JARID2: variants seen among roughly 807,000 people sequenced by gnomAD.
The protein encoded by JARID2 is jumonji and AT-rich interaction domain containing 2, also known as protein Jumonji.
JARID2 carries 21 observed loss-of-function variants against 125.6 expected under a neutral mutation model. That is an observed-to-expected ratio of 0.17 (90% CI 0.12 to 0.24). The LOEUF (loss-of-function observed/expected upper bound fraction) is 0.24. Ranked by LOEUF, JARID2 falls within the 10% of genes least tolerant of loss-of-function variation. The pLI, the probability that JARID2 is intolerant of heterozygous loss-of-function variation, is 1.00. For missense variants in JARID2, 1,303 were observed against 1,639.6 expected (o/e 0.79, Z 3.55); for synonymous variants, 736 against 661.6 (o/e 1.11, Z -1.73).
chr6:15,353,750 C>T (rs1470205576), intron 1 of JARID2, among the ~76,000 whole-genome samples: 1 of 152,068 alleles, frequency 6.6e-6, no homozygotes, highest in Non-Finnish European at 1.5e-5. Context: ...AAAAAAAATT[C>T]TTTTCAATCA....
chr6:15,319,537 A>C (rs1001557174), intron 1 of JARID2, among the ~76,000 whole-genome samples: 5 of 152,134 alleles, frequency 3.3e-5, no homozygotes, highest in African/African-American at 4.8e-5. Context: ...AGCTGGGAGC[A>C]CAAGTGTGCG....
intron 3 of JARID2, 85 bp downstream of exon 3, chr6:15,410,450 G>T: frequency 2.2e-6 from 3 of 1,345,448 alleles, no homozygotes; most frequent in Non-Finnish European, 3.1e-6. Context: ...GATAACGTGA[G>T]CCCATTCACC....
intron 1 of JARID2, among the ~76,000 whole-genome samples, chr6:15,278,457 A>G (rs1254839675): frequency 1.3e-5 from 2 of 151,896 alleles, no homozygotes; most frequent in East Asian, 3.9e-4. Flanking sequence ...GTGATGGCTC[A>G]TGCCTGTAAT....
chr6:15,293,922 C>T (rs1251611440), intron 1 of JARID2, among the ~76,000 whole-genome samples: 1 of 152,226 alleles, frequency 6.6e-6, no homozygotes, highest in East Asian at 1.9e-4. Flanking sequence ...TCACAGGGCA[C>T]CAATGCCTGC....
In JARID2 at chr6:15,281,498, T is replaced by A. The variant is rs189880842; in HGVS notation, c.45+34914T>A. On this transcript the variant is annotated intron_variant, in intron 1 of 17. Transcript: ENST00000341776. Reference sequence around the variant, plus strand: ...CCTCAAAAGTAAGCCATCAGTGGTTTGCACATCCTTCTAGCCTTTCTGTGT... The same window carrying A: ...CCTCAAAAGTAAGCCATCAGTGGTTAGCACATCCTTCTAGCCTTTCTGTGT... Among the ~76,000 whole-genome samples, 393 of 152,370 alleles carry A rather than the reference T, an allele frequency of 2.6e-3. 2 individuals are homozygous for A. The highest frequency in any genetic ancestry group is 4.4e-3 in the Non-Finnish European group (299 of 68,032).
At chr6:15,464,360 C>T (rs771602279) in intron 4 of JARID2, among the ~76,000 whole-genome samples, 16 of 152,138 alleles carry the variant, frequency 1.1e-4, no homozygotes, top group African/African-American at 1.9e-4. Context: ...TCTTTTGTAC[C>T]TACTTCTGTT....
chr6:15,268,727 T>G (rs185839885), intron 1 of JARID2, among the ~76,000 whole-genome samples: 1 of 152,326 alleles, frequency 6.6e-6, no homozygotes, highest in East Asian at 1.9e-4. Context: ...CAGTTGGAAA[T>G]TTTTAACATG....
At chr6:15,401,348 T>C (rs1765426373) in intron 2 of JARID2, among the ~76,000 whole-genome samples, 2 of 152,220 alleles carry the variant, frequency 1.3e-5, no homozygotes, top group African/African-American at 2.4e-5. Context: ...AAAGCTGCAG[T>C]TTCAATCAGG....
intron 1 of JARID2, among the ~76,000 whole-genome samples, chr6:15,285,935 T>G (rs1044561007): frequency 2.0e-5 from 3 of 152,240 alleles, no homozygotes; most frequent in African/African-American, 7.2e-5. Flanking sequence ...TGACAGTGGT[T>G]GACTCAACAA....
chr6:15,514,315 C>T (rs115672823), intron 16 of JARID2, among the ~76,000 whole-genome samples: 24 of 152,240 alleles, frequency 1.6e-4, no homozygotes, highest in Non-Finnish European at 1.3e-4. Context: ...AGAGCATGCC[C>T]GAAGGGCCTG....
intron 5 of JARID2, among the ~76,000 whole-genome samples, chr6:15,477,627 A>G (rs943475619): frequency 1.3e-4 from 20 of 151,038 alleles, no homozygotes; most frequent in African/African-American, 4.6e-4. Flanking sequence ...GTTGGGTAGG[A>G]TGGTTCAGAG....
At chr6:15,256,961 A>G (rs1293448410) in intron 1 of JARID2, among the ~76,000 whole-genome samples, 2 of 152,326 alleles carry the variant, frequency 1.3e-5, no homozygotes, top group South Asian at 2.1e-4. Flanking sequence ...AATCTAGTGC[A>G]AAAAGATAGA....
chr6:15,348,455 G>T (rs1763318101), intron 1 of JARID2, among the ~76,000 whole-genome samples: 1 of 152,106 alleles, frequency 6.6e-6, no homozygotes, highest in African/African-American at 2.4e-5. Context: ...TTTGTGTGGA[G>T]GGGTTCTCAG....
intron 2 of JARID2, among the ~76,000 whole-genome samples, chr6:15,385,520 T>C (rs1467381463): frequency 6.6e-6 from 1 of 150,606 alleles, no homozygotes; most frequent in Non-Finnish European, 1.5e-5. Flanking sequence ...TAGTTTTTTA[T>C]AGATATTATT....
chr6:15,410,491 A>G (rs761917205), intron 3 of JARID2, 126 bp downstream of exon 3: 81 of 890,060 alleles, frequency 9.1e-5, no homozygotes, highest in Non-Finnish European at 1.4e-4. Context: ...AGGAGCCAGA[A>G]TCATGAGGTT....
intron 1 of JARID2, among the ~76,000 whole-genome samples, chr6:15,309,011 A>G (rs1029094551): frequency 5.3e-5 from 8 of 152,218 alleles, no homozygotes; most frequent in Non-Finnish European, 1.2e-4. Context: ...AAGCTGGCCC[A>G]ATATCTTTCC....
At chr6:15,359,823 A>T (rs1763730069) in intron 1 of JARID2, among the ~76,000 whole-genome samples, 1 of 151,338 alleles carries the variant, frequency 6.6e-6, no homozygotes, top group Non-Finnish European at 1.5e-5. Flanking sequence ...AGTAGCTGGG[A>T]CCACAGGCAC....
At chr6:15,500,448 A>C (rs1770678630) in intron 7 of JARID2, among the ~76,000 whole-genome samples, 1 of 152,154 alleles carries the variant, frequency 6.6e-6, no homozygotes, top group Non-Finnish European at 1.5e-5. Context: ...GGTAACAAGC[A>C]TGTGTCAAAG....
intron 3 of JARID2, among the ~76,000 whole-genome samples, chr6:15,416,279 A>G (rs1766204392): frequency 6.6e-6 from 1 of 152,098 alleles, no homozygotes; most frequent in African/African-American, 2.4e-5. Flanking sequence ...CACTTCCCAG[A>G]CGGGGTGGCG....
Sources: gnomAD v4.1 joint callset for allele counts (sites outside exome capture counted in the v4.1 genomes callset) on GRCh38, gnomAD v4.1.1 for gene constraint, MANE v1.5 for transcripts, NCBI Gene and HGNC (gene_info 2026-07-23, HGNC 2026-07-21) for gene names.